COPB1: variants seen among roughly 807,000 people sequenced by gnomAD.
The protein encoded by COPB1 is coatomer subunit beta.
COPB1 carries 21 observed loss-of-function variants against 108.7 expected under a neutral mutation model. The observed-to-expected ratio is 0.19, with a 90% CI of 0.14 to 0.28. The LOEUF (loss-of-function observed/expected upper bound fraction) is 0.28. COPB1 is among the 10% of genes least tolerant of loss of function. COPB1 has a pLI of 1.00. For missense variants in COPB1, 919 were observed against 1,141.3 expected (o/e 0.81, Z 2.81); for synonymous variants, 378 against 386.8 (o/e 0.98, Z 0.27).
At chr11:14,459,059 C>T (rs1850087422) in intron 20 of COPB1, among the ~76,000 whole-genome samples, 1 of 152,198 alleles carries the variant, frequency 6.6e-6, no homozygotes, top group Admixed American at 6.5e-5. Flanking sequence ...TGAGCCACCA[C>T]GCCCAGCCCC....
chr11:14,463,957 C>G (rs1186740265), intron 18 of COPB1, among the ~76,000 whole-genome samples: 3 of 152,192 alleles, frequency 2.0e-5, no homozygotes, highest in Admixed American at 6.5e-5. Context: ...CCTGCCTCTT[C>G]CAATCAACCT....
intron 2 of COPB1, among the ~76,000 whole-genome samples, chr11:14,497,393 AG>A (rs1310418375): frequency 2.0e-5 from 3 of 152,212 alleles, no homozygotes; most frequent in Non-Finnish European, 4.4e-5. Context: ...AGATTTGAAC[AG>A]ACATTTCACA....
intron 6 of COPB1, among the ~76,000 whole-genome samples, chr11:14,487,043 A>G (rs771465828): frequency 6.6e-6 from 1 of 152,188 alleles, no homozygotes; most frequent in Non-Finnish European, 1.5e-5. Flanking sequence ...GGAAAATACC[A>G]GTTTTTCAAG....
chr11:14,478,251 T>G (rs937549968), intron 11 of COPB1, among the ~76,000 whole-genome samples: 1 of 151,648 alleles, frequency 6.6e-6, no homozygotes, highest in Non-Finnish European at 1.5e-5. Flanking sequence ...GAAGGCAAAT[T>G]TGGCTTAATC....
At chr11:14,474,933 T>A (rs1434310872) in intron 13 of COPB1, among the ~76,000 whole-genome samples, 1 of 151,476 alleles carries the variant, frequency 6.6e-6, no homozygotes, top group African/African-American at 2.4e-5. Context: ...CCGTCTCTAC[T>A]AAAAATACAA....
intron 7 of COPB1, 109 bp from the exon 8 acceptor site, chr11:14,483,260 T>G: frequency 3.9e-6 from 2 of 510,354 alleles, no homozygotes; most frequent in East Asian, 3.3e-5. Context: ...ACACACACAC[T>G]CCCATGAAGC....
chr11:14,467,426 T>G (rs1850308365), intron 16 of COPB1, among the ~76,000 whole-genome samples: 1 of 152,268 alleles, frequency 6.6e-6, no homozygotes, highest in South Asian at 2.1e-4. Flanking sequence ...GGAACTCTTG[T>G]GCACTGCTGG....
rs749657343 is a variant in COPB1, at chr11:14,494,439, T to C, written c.92A>G (p.Glu31Gly). 3 of 1,502,038 alleles carry C rather than the reference T, an allele frequency of 2.0e-6. No individual in the cohort carries two copies. The allele number at this position is 1,502,038 out of a possible 1,614,324, so 93.0% of individuals were successfully genotyped here. The stretch of plus-strand genomic sequence containing the variant: ...AGTCTTTGACTTTACATCTCCTTTT[T>C]CTGAATCAAAAATTTTTTTAAAAAA... ...PSEISLKNDLEKGDVKSKTEA... is the reference protein window; with the variant it reads ...PSEISLKNDLGKGDVKSKTEA... The change falls in exon 3 of 22, where the codon GAA becomes GGA. Residue 31 changes from glutamate to glycine, a missense_variant and splice_region_variant. Glu to Gly is a moderately conservative substitution (Grantham distance 98). Transcript: ENST00000439561.
At chr11:14,481,483 G>A (rs1184367895) in intron 8 of COPB1, among the ~76,000 whole-genome samples, 1 of 152,152 alleles carries the variant, frequency 6.6e-6, no homozygotes, top group East Asian at 1.9e-4. Flanking sequence ...ATAAAAAAAA[G>A]ATACTGTCCA....
intron 5 of COPB1, among the ~76,000 whole-genome samples, chr11:14,489,143 T>C (rs1850839471): frequency 1.3e-5 from 2 of 152,170 alleles, no homozygotes; most frequent in Non-Finnish European, 2.9e-5. Flanking sequence ...TCTCATAATC[T>C]TGTTTAGGAA....
At chr11:14,479,746 C>T in intron 10 of COPB1, 32 bp from the exon 11 acceptor site, 2 of 1,533,818 alleles carry the variant, frequency 1.3e-6, no homozygotes, top group Admixed American at 2.2e-5. Flanking sequence ...GAAAATGGAA[C>T]TAACAATTTT....
At chr11:14,466,037 T>A (rs189031504) in intron 17 of COPB1, among the ~76,000 whole-genome samples, 2 of 152,300 alleles carry the variant, frequency 1.3e-5, no homozygotes, top group Non-Finnish European at 2.9e-5. Flanking sequence ...AATACTGACA[T>A]TTGCTAGATT....
intron 5 of COPB1, among the ~76,000 whole-genome samples, chr11:14,489,699 T>C (rs1850852904): frequency 6.6e-6 from 1 of 152,122 alleles, no homozygotes; most frequent in South Asian, 2.1e-4. Context: ...AGTAGAATGG[T>C]GGCTGCCAGG....
chr11:14,466,571 T>C, intron 16 of COPB1, 145 bp from the exon 17 acceptor site: 4 of 744,406 alleles, frequency 5.4e-6, no homozygotes, highest in East Asian at 2.8e-5. Flanking sequence ...TGTTTTATAA[T>C]GCAGAAATGG....
At position 14,461,263 on chromosome 11, in the gene COPB1, T is replaced by C; in HGVS notation, c.2479A>G (p.Met827Val). The change falls in exon 19 of 22, where the codon ATG becomes GTG. Residue 827 changes from methionine to valine, a missense_variant. By Grantham distance (21) the Met-to-Val change is conservative. Coordinates refer to ENST00000439561, the MANE Select transcript of COPB1 (RefSeq NM_001144061.2). The part of the protein sequence containing the change: ...VVLSDIHIDI[M>V]DYIQPATCTD... Reference sequence around the variant, plus strand: ...CAAGTTGCAGGCTGGATATAGTCCATGATGTCGATGTGAATATCACTGAGA... The same window carrying C: ...CAAGTTGCAGGCTGGATATAGTCCACGATGTCGATGTGAATATCACTGAGA... The C allele has an allele frequency of 6.2e-7, 1 of 1,614,210 alleles. No individual in the cohort carries two copies. The highest frequency in any genetic ancestry group is 8.5e-7 in the Non-Finnish European group (1 of 1,180,032).
rs770644800 is a variant in COPB1 at position 14,481,012 on chromosome 11, A to T, written c.1043T>A (p.Val348Asp). The change falls in exon 9 of 22, where the codon GTC (valine) becomes GAC (aspartate). Residue 348 changes from valine (V) to aspartate (D), a missense_variant. Val to Asp is a radical substitution (Grantham distance 152). Around this residue, in one of 5 missense-constraint regions of COPB1, gnomAD observed 705 missense variants for 817.8 expected, o/e 0.86. Transcript: ENST00000439561. Reference sequence around the variant, plus strand: ...TACCTCTTCAACATTTCTAGAAGAGACAAGATCCAGTGCTAACTGCAGAGT... The same window carrying T: ...TACCTCTTCAACATTTCTAGAAGAGTCAAGATCCAGTGCTAACTGCAGAGT... The part of the protein sequence containing the change: ...KKTLQLALDL[V>D]SSRNVEELVI... The T allele has an allele frequency of 6.2e-7, 1 of 1,613,972 alleles. No individual in the cohort carries two copies. The highest frequency in any genetic ancestry group is 1.1e-5 in the South Asian group (1 of 91,074).
At chr11:14,493,504 A>G (rs542411386) in intron 4 of COPB1, 138 bp downstream of exon 4, 73 of 637,696 alleles carry the variant, frequency 1.1e-4, no homozygotes, top group Non-Finnish European at 1.7e-4. Context: ...TTCAATGTTC[A>G]TAATAAAAAA....
chr11:14,461,100 C>T lies in COPB1; in HGVS notation c.2556+86G>A, dbSNP rs1565010443. 1.0e-5 allele frequency: 16 copies of T among 1,524,938 alleles called. No individual in the cohort carries two copies. The East Asian group carries it at 2.9e-4, about 28-fold the overall frequency. 94.5% of individuals were successfully genotyped at this position (1,524,938 alleles called of 1,614,324 possible). Reference sequence around the variant, plus strand: ...GCTTTTCATGTTAAACACTTTTTAGCGAGATTAATTTTATTAGCAGACTCC... The same window carrying T: ...GCTTTTCATGTTAAACACTTTTTAGTGAGATTAATTTTATTAGCAGACTCC... On this transcript the variant is annotated intron_variant, in intron 19 of 21. Coordinates refer to ENST00000439561, the MANE Select transcript of COPB1 (RefSeq NM_001144061.2).
chr11:14,458,411 A>G lies in COPB1; in HGVS notation c.2802+121T>C, dbSNP rs1850073759. The G allele has an allele frequency of 4.4e-6, 4 of 907,994 alleles. No homozygotes were observed. The South Asian group carries it at 9.7e-5, about 22-fold the overall frequency. 56.2% of individuals were successfully genotyped at this position (907,994 alleles called of 1,614,324 possible). A position where few individuals can be genotyped will look rare whatever the true frequency, so the allele number is the denominator to read the frequency against. On this transcript the variant is annotated intron_variant, in intron 21 of 21. Transcript: ENST00000439561. ...GTTATACTTCTATTCAGAGTATATT[A>G]TTATTGTATGTGTATATGCATCTAA...
Sources: allele counts gnomAD v4.1 joint callset (sites outside exome capture counted in the v4.1 genomes callset), GRCh38; gene constraint gnomAD v4.1.1; regional missense constraint gnomAD v4.1.1; transcripts MANE v1.5; gene names NCBI Gene and HGNC (gene_info 2026-07-23, HGNC 2026-07-21).